The following MDGA2 variants were observed in gnomAD, a reference collection of about 807,000 sequenced individuals.
The protein encoded by MDGA2 is MAM domain containing glycosylphosphatidylinositol anchor 2, also known as MAM domain-containing glycosylphosphatidylinositol anchor protein 2.
Under a neutral mutation model 117.8 loss-of-function variants are expected in MDGA2, and 40 were observed. The ratio of observed to expected loss-of-function variants is 0.34; its 90% CI spans 0.26 to 0.44. The LOEUF is 0.44. Among genes scored for constraint, MDGA2 ranks in the 20% least tolerant of loss-of-function variants. The pLI is 1.00. For missense variants in MDGA2, 1,123 were observed against 1,250.6 expected (o/e 0.90, Z 1.54); for synonymous variants, 452 against 439.0 (o/e 1.03, Z -0.37).
intron 1 of MDGA2, among the ~76,000 whole-genome samples, chr14:47,622,198 G>A (rs1897061769): frequency 6.6e-6 from 1 of 152,118 alleles, no homozygotes; most frequent in Non-Finnish European, 1.5e-5. Flanking sequence ...TAACGAAAAG[G>A]TAACCTGAAG....
chr14:46,951,728 G>A lies in MDGA2; in HGVS notation c.2089+5646C>T, dbSNP rs376782851. Among the ~76,000 whole-genome samples, 42 of 151,990 alleles carry A rather than the reference G, an allele frequency of 2.8e-4. 1 individual carries two copies. The highest frequency in any genetic ancestry group is 6.8e-3 in the Middle Eastern group (2 of 294). On this transcript the variant is annotated intron_variant, in intron 9 of 16. Transcript: ENST00000399232. ...GGAAGGGACTTTTCCCCAGTTGAGC[G>A]TCTAGATAAGAACACAGCCCAACCA...
intron 8 of MDGA2, among the ~76,000 whole-genome samples, chr14:47,001,093 A>G (rs1038087532): frequency 6.6e-5 from 10 of 152,094 alleles, no homozygotes; most frequent in African/African-American, 2.4e-4. Context: ...ATTGCATTAT[A>G]TCACAGCAAG....
At chr14:47,575,132 T>A (rs1594925539) in intron 1 of MDGA2, among the ~76,000 whole-genome samples, 2 of 152,198 alleles carry the variant, frequency 1.3e-5, no homozygotes, top group East Asian at 3.8e-4. Context: ...TAATTTCTAA[T>A]CATTGTGTCC....
chr14:47,514,187 T>C (rs1294474014), intron 1 of MDGA2, among the ~76,000 whole-genome samples: 2 of 152,140 alleles, frequency 1.3e-5, no homozygotes, highest in Non-Finnish European at 2.9e-5. Flanking sequence ...CTACAATTAC[T>C]AGCTGCAGTT....
chr14:47,313,886 G>A (rs17118308), intron 1 of MDGA2, among the ~76,000 whole-genome samples: 17,023 of 152,006 alleles, frequency 0.11, 1,030 homozygotes, highest in East Asian at 0.18. Context: ...AAAAATTACT[G>A]TAAGACGACA....
intron 1 of MDGA2, among the ~76,000 whole-genome samples, chr14:47,430,417 G>T (rs1384223781): frequency 6.6e-6 from 1 of 152,010 alleles, no homozygotes; most frequent in African/African-American, 2.4e-5. Flanking sequence ...AGTTTTCTAG[G>T]ATTATCTTAC....
At chr14:47,222,860 T>C (rs576991037) in intron 2 of MDGA2, among the ~76,000 whole-genome samples, 89 of 152,274 alleles carry the variant, frequency 5.8e-4, no homozygotes, top group Non-Finnish European at 9.6e-4. Flanking sequence ...TTGCTAAGTA[T>C]CCAGAAGCCG....
chr14:47,298,686 T>TC (rs200571043), intron 2 of MDGA2, among the ~76,000 whole-genome samples: 1,886 of 120,134 alleles, frequency 0.016, 51 homozygotes, highest in African/African-American at 0.049. Context: ...AATTTTTCTT[T>TC]TTTTTTTTTT....
intron 2 of MDGA2, among the ~76,000 whole-genome samples, chr14:47,220,564 T>G (rs753068238): frequency 6.6e-6 from 1 of 152,074 alleles, no homozygotes; most frequent in Non-Finnish European, 1.5e-5. Flanking sequence ...CACAGAGAAG[T>G]AGTAAAATAG....
intron 1 of MDGA2, among the ~76,000 whole-genome samples, chr14:47,342,597 A>T (rs1369784599): frequency 6.6e-6 from 1 of 152,126 alleles, no homozygotes. Context: ...CTGTGATAGG[A>T]GTAGAAAATG....
chr14:47,259,968 G>A (rs988675953), intron 2 of MDGA2, among the ~76,000 whole-genome samples: 5 of 152,082 alleles, frequency 3.3e-5, no homozygotes, highest in Non-Finnish European at 4.4e-5. Flanking sequence ...CAGATAAGCT[G>A]CTGCTGAGAA....
intron 1 of MDGA2, among the ~76,000 whole-genome samples, chr14:47,673,686 C>T (rs1898118369): frequency 1.4e-5 from 2 of 144,078 alleles, no homozygotes; most frequent in Non-Finnish European, 3.0e-5. Flanking sequence ...ATCCTGAAAG[C>T]TAAGGGTGCC....
intron 3 of MDGA2, among the ~76,000 whole-genome samples, chr14:47,180,718 C>T (rs142929166): frequency 2.6e-5 from 4 of 152,116 alleles, no homozygotes; most frequent in African/African-American, 9.6e-5. Context: ...GTCAAGAATT[C>T]GAGACCACCC....
At chr14:47,162,450 C>T (rs1171527062) in intron 3 of MDGA2, among the ~76,000 whole-genome samples, 1 of 152,166 alleles carries the variant, frequency 6.6e-6, no homozygotes, top group Non-Finnish European at 1.5e-5. Flanking sequence ...TATTATTCTG[C>T]TGCCTTTTAT....
intron 15 of MDGA2, among the ~76,000 whole-genome samples, chr14:46,848,626 A>G (rs1289840036): frequency 6.6e-6 from 1 of 151,192 alleles, no homozygotes; most frequent in Non-Finnish European, 1.5e-5. Context: ...CAAAATCAAA[A>G]GATTGGACCT....
chr14:47,628,362 A>G (rs918248451), intron 1 of MDGA2, among the ~76,000 whole-genome samples: 2 of 152,326 alleles, frequency 1.3e-5, no homozygotes, highest in South Asian at 4.1e-4. Flanking sequence ...AGGTCTGAGA[A>G]CACGTTGGTT....
At chr14:47,316,850 T>C (rs1288399170) in intron 1 of MDGA2, among the ~76,000 whole-genome samples, 4 of 152,126 alleles carry the variant, frequency 2.6e-5, no homozygotes, top group Non-Finnish European at 5.9e-5. Context: ...AGTCAAAAAG[T>C]GACATAAACC....
At chr14:46,894,363 TC>T (rs1246058954) in intron 10 of MDGA2, among the ~76,000 whole-genome samples, 1 of 152,266 alleles carries the variant, frequency 6.6e-6, no homozygotes, top group Non-Finnish European at 1.5e-5. Flanking sequence ...TGTGTTGCTT[TC>T]AGTTTTTCCT....
intron 9 of MDGA2, among the ~76,000 whole-genome samples, chr14:46,935,653 C>A (rs1298460294): frequency 1.3e-5 from 2 of 152,134 alleles, no homozygotes; most frequent in Non-Finnish European, 2.9e-5. Flanking sequence ...TTTTCCTGCC[C>A]TTCCTTTCTT....
Sources: gnomAD v4.1 joint callset for allele counts (sites outside exome capture counted in the v4.1 genomes callset) on GRCh38, gnomAD v4.1.1 for gene constraint, MANE v1.5 for transcripts, NCBI Gene and HGNC (gene_info 2026-07-23, HGNC 2026-07-21) for gene names.